The following ZNF395 variants were observed in gnomAD, a reference collection of about 807,000 sequenced individuals.
The protein encoded by ZNF395 is HD gene regulatory region-binding protein 2.
Under a neutral mutation model 57.7 loss-of-function variants are expected in ZNF395, and 20 were observed. The ratio of observed to expected loss-of-function variants is 0.35; its 90% CI spans 0.24 to 0.50. ZNF395 has a LOEUF of 0.50. Among genes scored for constraint, ZNF395 ranks in the 20% least tolerant of loss-of-function variants. The pLI is 0.97. For synonymous variants in ZNF395, 295 were observed against 275.9 expected (o/e 1.07, Z -0.69); for missense variants, 606 against 671.2 (o/e 0.90, Z 1.07).
chr8:28,353,039 A>C, intron 5 of ZNF395, 134 bp downstream of exon 5: 1 of 757,188 alleles, frequency 1.3e-6, no homozygotes, highest in Admixed American at 2.5e-5. Flanking sequence ...CAGAAGCAGC[A>C]ATAAAAAACC....
At position 28,348,726 on chromosome 8, in the gene ZNF395, A is replaced by G. The variant is rs760276955; in HGVS notation, c.1535T>C (p.Leu512Pro). ...TAGAACCTGCAGCACAGCTCAGTCC[A>G]GAAAGCGCTGGCAGGCCTTCTTCCA... ...CRWKKACQRF[L>P]D Residue 512 changes from leucine to proline, a missense_variant, in exon 10 of 10, where the codon CTG becomes CCG. By Grantham distance (98) the Leu-to-Pro change is moderately conservative. This residue lies in a region of ZNF395 where 36 missense variants were observed against 56.2 expected (regional missense o/e 0.64). Transcript: ENST00000344423. 23 of 1,613,900 alleles carry G rather than the reference A, an allele frequency of 1.4e-5. No individual in the cohort carries two copies. The highest frequency in any genetic ancestry group is 1.9e-5 in the Non-Finnish European group (23 of 1,179,996).
Position 28,356,906 on chromosome 8 carries a change from A to C in ZNF395, c.474-127T>G, listed in dbSNP as rs908911472. The C allele has an allele frequency of 1.5e-6, 1 of 688,304 alleles. No homozygotes were observed. Among genetic ancestry groups the C allele is most frequent in the African/African-American group, 1.8e-5 (1 of 55,536 alleles). 42.6% of individuals were successfully genotyped at this position (688,304 alleles called of 1,614,324 possible). ...CTTACACTTCTGGACTGTCCCCTCC[A>C]AGTGCCCCCAACTCCAATCAGCCAG... On this transcript the variant is annotated intron_variant, in intron 3 of 9. Coordinates refer to ENST00000344423, the MANE Select transcript of ZNF395 (RefSeq NM_018660.3). This position sits in a 1 kb window ranked among gnomAD's most constrained non-coding sequence, Gnocchi z 4.0.
intron 1 of ZNF395, among the ~76,000 whole-genome samples, chr8:28,383,867 T>G (rs977725481): frequency 6.6e-6 from 1 of 152,134 alleles, no homozygotes; most frequent in Admixed American, 6.5e-5. Context: ...CACAAGAAAC[T>G]TCTCTATAGC....
At chr8:28,378,543 T>C (rs969742376) in intron 1 of ZNF395, among the ~76,000 whole-genome samples, 1 of 152,178 alleles carries the variant, frequency 6.6e-6, no homozygotes, top group Non-Finnish European at 1.5e-5. Flanking sequence ...ACCTCACCTG[T>C]TTTTTGTTTT....
In ZNF395 at chr8:28,386,395, C is replaced by G. The variant is rs1184658829; in HGVS notation, c.-61G>C. 2.0e-5 allele frequency: 3 copies of G among 150,636 alleles called. No individual in the cohort carries two copies. Among genetic ancestry groups the G allele is most frequent in the African/African-American group, 7.3e-5 (3 of 41,014 alleles). 9.3% of individuals were successfully genotyped at this position (150,636 alleles called of 1,614,324 possible). A position where few individuals can be genotyped will look rare whatever the true frequency, so the allele number is the denominator to read the frequency against. On this transcript the variant is annotated splice_region_variant and 5_prime_UTR_variant, in exon 1 of 10. Transcript: ENST00000344423. ...CCCAGCGCGCCTGGGCTACACACCC[C>G]CGGCCGCCCGTAGACAGTCGGCGCT...
At chr8:28,358,062 A>G (rs1801802131) in intron 3 of ZNF395, among the ~76,000 whole-genome samples, 1 of 151,710 alleles carries the variant, frequency 6.6e-6, no homozygotes, top group Non-Finnish European at 1.5e-5. Context: ...GACCCAATGT[A>G]GCCTGCTGCT....
intron 1 of ZNF395, among the ~76,000 whole-genome samples, chr8:28,367,045 G>T (rs1020937632): frequency 1.3e-5 from 2 of 152,082 alleles, no homozygotes; most frequent in Non-Finnish European, 2.9e-5. Flanking sequence ...CAGACACATG[G>T]CACTGAGCAT....
chr8:28,382,332 T>C (rs1357340505), intron 1 of ZNF395, among the ~76,000 whole-genome samples: 2 of 152,112 alleles, frequency 1.3e-5, no homozygotes, highest in Non-Finnish European at 2.9e-5. Context: ...CTTAAAACAC[T>C]CCCTGGCCAC....
chr8:28,377,063 T>C (rs1408551391), intron 1 of ZNF395, among the ~76,000 whole-genome samples: 1 of 152,198 alleles, frequency 6.6e-6, no homozygotes, highest in Non-Finnish European at 1.5e-5. Flanking sequence ...GTCCAAGCAG[T>C]GACCTGCACA....
intron 1 of ZNF395, among the ~76,000 whole-genome samples, chr8:28,381,752 G>A (rs1391795594): frequency 6.6e-6 from 1 of 152,130 alleles, no homozygotes; most frequent in East Asian, 1.9e-4. Flanking sequence ...ACCAAGGTAT[G>A]ACCTCGACAT....
Position 28,348,174 on chromosome 8 carries a change from C to T in ZNF395, c.*545G>A, listed in dbSNP as rs1444484121. 1.3e-5 allele frequency: 2 copies of T among 151,546 alleles called. No individual in the cohort carries two copies. Among genetic ancestry groups the T allele is most frequent in the African/African-American group, 4.9e-5 (2 of 41,142 alleles). The allele number at this position is 151,546 out of a possible 1,614,324, so 9.4% of individuals were successfully genotyped here. On this transcript the variant is annotated 3_prime_UTR_variant, in exon 10 of 10. Transcript: ENST00000344423. ...CCATGCAGGATGCTCAGACAGGGAA[C>T]AGGAGGTACCCTCCGAGAAGGGCAA...
chr8:28,354,113 C>A (rs1456291825), intron 4 of ZNF395, among the ~76,000 whole-genome samples: 1 of 152,192 alleles, frequency 6.6e-6, no homozygotes, highest in Non-Finnish European at 1.5e-5. Flanking sequence ...ACAAGCTCTG[C>A]GAGCAATTCT....
intron 4 of ZNF395, among the ~76,000 whole-genome samples, chr8:28,354,919 C>G (rs1412466704): frequency 6.6e-6 from 1 of 151,468 alleles, no homozygotes; most frequent in African/African-American, 2.4e-5. Flanking sequence ...AGCAGGCACA[C>G]CCTACAAATG....
chr8:28,350,683 C>T (rs1358543982), intron 7 of ZNF395, among the ~76,000 whole-genome samples: 3 of 152,222 alleles, frequency 2.0e-5, no homozygotes, highest in East Asian at 1.9e-4. Flanking sequence ...GCTAAGCGGC[C>T]ACTCATTCTA....
chr8:28,367,037 GA>G (rs1369164774), intron 1 of ZNF395, among the ~76,000 whole-genome samples: 46 of 151,764 alleles, frequency 3.0e-4, no homozygotes. Context: ...ACAAGCTTCA[GA>G]CACATGGCAC....
chr8:28,371,928 A>G (rs1040514224), intron 1 of ZNF395, among the ~76,000 whole-genome samples: 1 of 152,184 alleles, frequency 6.6e-6, no homozygotes, highest in Non-Finnish European at 1.5e-5. Flanking sequence ...GGGCACCTGC[A>G]ATCCCAGCTA....
At chr8:28,357,713 AT>A (rs1158853033) in intron 3 of ZNF395, among the ~76,000 whole-genome samples, 1 of 152,238 alleles carries the variant, frequency 6.6e-6, no homozygotes, top group East Asian at 1.9e-4. Flanking sequence ...AGAAAAATAA[AT>A]TCTTTACCTG....
At position 28,353,107 on chromosome 8, in the gene ZNF395, C is replaced by T. The variant is rs559344073; in HGVS notation, c.819+66G>A. On this transcript the variant is annotated intron_variant, in intron 5 of 9. Coordinates refer to ENST00000344423, the MANE Select transcript of ZNF395 (RefSeq NM_018660.3). ...CTGCAGGGTCCCCTGCTCTCCACGG[C>T]TGGCTGTCCCCACACAGACATCATC... 29 of 1,527,668 alleles carry T rather than the reference C, an allele frequency of 1.9e-5. No individual in the cohort carries two copies. The African/African-American group carries it at 3.3e-4, about 17-fold the overall frequency. 94.6% of individuals were successfully genotyped at this position (1,527,668 alleles called of 1,614,324 possible).
intron 1 of ZNF395, among the ~76,000 whole-genome samples, chr8:28,378,114 C>T (rs1268754320): frequency 6.6e-6 from 1 of 152,086 alleles, no homozygotes; most frequent in East Asian, 1.9e-4. Context: ...CTGGCCATTT[C>T]CCGGCCCCCC....
Sources: allele counts gnomAD v4.1 joint callset (sites outside exome capture counted in the v4.1 genomes callset), GRCh38; gene constraint gnomAD v4.1.1; regional missense constraint gnomAD v4.1.1; non-coding constraint Gnocchi (gnomAD v3.1); transcripts MANE v1.5; gene names NCBI Gene and HGNC (gene_info 2026-07-23, HGNC 2026-07-21).